The following C20orf203 variants were observed in gnomAD, a reference collection of about 807,000 sequenced individuals.
C20orf203 encodes the protein chromosome 20 open reading frame 203, also known as uncharacterized protein C20orf203.
A neutral mutation model predicts 15.9 loss-of-function variants in C20orf203; 16 were observed. The ratio of observed to expected loss-of-function variants is 1.01; its 90% CI spans 0.68 to 1.53. The LOEUF (loss-of-function observed/expected upper bound fraction) is 1.53. Ranked by LOEUF, C20orf203 falls within the 40% of genes most tolerant of loss-of-function variation. C20orf203 has a pLI of 0.00. For synonymous variants in C20orf203, 98 were observed against 97.2 expected, an observed-to-expected ratio of 1.01 and a Z score of -0.05; for missense variants, 263 against 247.5, an observed-to-expected ratio of 1.06 and a Z score of -0.42.
chr20:32,643,329 G>T (rs1214200696), intron 4 of C20orf203, among the ~76,000 whole-genome samples: 9 of 152,170 alleles, frequency 5.9e-5, no homozygotes, highest in African/African-American at 2.2e-4. Context: ...TTATAGGGTG[G>T]CTGTGAAGAT....
intron 1 of C20orf203, among the ~76,000 whole-genome samples, chr20:32,653,947 G>T (rs932167644): frequency 6.6e-6 from 1 of 152,062 alleles, no homozygotes; most frequent in African/African-American, 2.4e-5. Context: ...ACAAAAATTA[G>T]CCAGGCGTGG....
At position 32,632,309 on chromosome 20, in the gene C20orf203, C is replaced by G. The variant is rs1169780535; in HGVS notation, c.*3261G>C. On this transcript the variant is annotated 3_prime_UTR_variant, in exon 6 of 6. Coordinates refer to ENST00000608990, the MANE Select transcript of C20orf203 (RefSeq NM_182584.4). ...CTGAGCTAGACACATTTCCTACTCC[C>G]TAACTTTGGCCTTTAAATCTCGTTC... The G allele has an allele frequency of 1.3e-5, 2 of 152,252 alleles. No homozygotes were observed. Among genetic ancestry groups the G allele is most frequent in the East Asian group, 3.8e-4 (2 of 5,196 alleles). The allele number at this position is 152,252 out of a possible 1,614,324, so 9.4% of individuals were successfully genotyped here.
intron 1 of C20orf203, among the ~76,000 whole-genome samples, chr20:32,665,492 GA>G (rs1354951093): frequency 3.3e-5 from 5 of 152,242 alleles, no homozygotes; most frequent in Non-Finnish European, 7.3e-5. Flanking sequence ...GACCAGGCCG[GA>G]AACACTGTAG....
Position 32,632,934 on chromosome 20 carries a change from T to C in C20orf203, c.*2636A>G, listed in dbSNP as rs973538223. The C allele has an allele frequency of 6.6e-6, 1 of 152,244 alleles. No homozygotes were observed. The highest frequency in any genetic ancestry group is 2.4e-5 in the African/African-American group (1 of 41,418). 9.4% of individuals were successfully genotyped at this position (152,244 alleles called of 1,614,324 possible). On this transcript the variant is annotated 3_prime_UTR_variant, in exon 6 of 6. Transcript: ENST00000608990. ...GGAGGCCTCAGGAAACTTACAATCA[T>C]GGTGGAAGGCAGCTCTTCACAGGGC...
intron 1 of C20orf203, among the ~76,000 whole-genome samples, chr20:32,658,383 G>A (rs1182001518): frequency 6.6e-6 from 1 of 151,854 alleles, no homozygotes; most frequent in East Asian, 1.9e-4. Flanking sequence ...GCTCACTGCA[G>A]CCTCAAACTC....
rs1433456212 is a variant in C20orf203, at chr20:32,666,185, T to C, written c.-264+7447A>G. The stretch of plus-strand genomic sequence containing the variant: ...AAAAAAAAAAAAAAAAAAGATAAAG[T>C]TGGTTGAGTGTGGTGGCTCATGTGT... On this transcript the variant is annotated intron_variant, in intron 1 of 5. Coordinates refer to ENST00000608990, the MANE Select transcript of C20orf203 (RefSeq NM_182584.4). Among the ~76,000 whole-genome samples the C allele has an allele frequency of 1.0e-4, 15 of 145,038 alleles. No homozygotes were observed. The East Asian group carries it at 3.0e-3, about 29-fold the overall frequency.
rs183289359 is a variant in C20orf203, at chr20:32,660,659, G to A, written c.-263-8678C>T. Among the ~76,000 whole-genome samples the A allele has an allele frequency of 9.2e-5, 14 of 152,214 alleles. No homozygotes were observed. In the East Asian group the frequency reaches 1.5e-3, roughly 17 times the overall value. On this transcript the variant is annotated intron_variant, in intron 1 of 5. Transcript: ENST00000608990. The stretch of plus-strand genomic sequence containing the variant: ...ACAGGAAGCCTCATAGTTTCCTGGT[G>A]GCCAGTTTCCACCAAGAACGTGTGT...
chr20:32,654,080 G>GA (rs71338449), intron 1 of C20orf203, among the ~76,000 whole-genome samples: 5,008 of 132,698 alleles, frequency 0.038, 141 homozygotes, highest in South Asian at 0.095. Flanking sequence ...GTGATGGAGC[G>GA]AAAAAAAAAA....
chr20:32,665,729 G>A (rs1211822252), intron 1 of C20orf203, among the ~76,000 whole-genome samples: 3 of 152,186 alleles, frequency 2.0e-5, no homozygotes, highest in Admixed American at 1.3e-4. Context: ...ACTTTGGGAG[G>A]CCAAGGAGGG....
chr20:32,658,700 G>T (rs1257172605), intron 1 of C20orf203, among the ~76,000 whole-genome samples: 10 of 152,072 alleles, frequency 6.6e-5, no homozygotes, highest in Non-Finnish European at 1.2e-4. Flanking sequence ...TTGCTGTGTT[G>T]CAGGCATTCC....
At chr20:32,664,611 GC>G (rs1291669041) in intron 1 of C20orf203, among the ~76,000 whole-genome samples, 1 of 152,212 alleles carries the variant, frequency 6.6e-6, no homozygotes, top group Admixed American at 6.5e-5. Flanking sequence ...TCCTCTAGAT[GC>G]AGCCACAGGC....
At chr20:32,636,443 C>G (rs1365306868) in intron 5 of C20orf203, among the ~76,000 whole-genome samples, 3 of 152,196 alleles carry the variant, frequency 2.0e-5, no homozygotes, top group African/African-American at 7.2e-5. Context: ...CTGCTCCCCT[C>G]TGCCTTTGGC....
chr20:32,646,606 G>A (rs543214607), intron 4 of C20orf203, among the ~76,000 whole-genome samples: 42 of 152,290 alleles, frequency 2.8e-4, no homozygotes, highest in African/African-American at 9.9e-4. Context: ...GGGCTGTCTA[G>A]GCTGACTCCA....
At chr20:32,671,905 T>C (rs1263612291) in intron 1 of C20orf203, among the ~76,000 whole-genome samples, 3 of 132,604 alleles carry the variant, frequency 2.3e-5, no homozygotes, top group Non-Finnish European at 4.8e-5. Context: ...TGAGGGGGAG[T>C]GGGGAACAGA....
chr20:32,641,828 C>T (rs927625736), intron 4 of C20orf203, among the ~76,000 whole-genome samples: 1 of 151,520 alleles, frequency 6.6e-6, no homozygotes, highest in Non-Finnish European at 1.5e-5. Context: ...TGTTTTTGTT[C>T]TGTTTCTGTT....
intron 1 of C20orf203, among the ~76,000 whole-genome samples, chr20:32,653,716 T>C (rs1437014780): frequency 6.6e-6 from 1 of 152,126 alleles, no homozygotes; most frequent in African/African-American, 2.4e-5. Context: ...CTGTACTGGG[T>C]ACAATGGCAA....
chr20:32,655,351 C>T (rs61388387), intron 1 of C20orf203, among the ~76,000 whole-genome samples: 1,775 of 152,234 alleles, frequency 0.012, 31 homozygotes, highest in African/African-American at 0.036. Context: ...GCAGGAGGAT[C>T]GCTTGAGACT....
In C20orf203 at chr20:32,649,965, G is replaced by A. The variant is rs542428590; in HGVS notation, c.*467C>T. The stretch of plus-strand genomic sequence containing the variant: ...GGCCGGGTGCAGAGCATGGGCCCCT[G>A]TCCTGAGGTCCAGCATTCTCAGAGG... On this transcript the variant is annotated 3_prime_UTR_variant, in exon 4 of 6. Coordinates refer to ENST00000608990, the MANE Select transcript of C20orf203 (RefSeq NM_182584.4). 151 of 161,236 alleles carry A rather than the reference G, an allele frequency of 9.4e-4. No homozygotes were observed. The highest frequency in any genetic ancestry group is 1.8e-3 in the Non-Finnish European group (132 of 72,958). 10.0% of individuals were successfully genotyped at this position (161,236 alleles called of 1,614,324 possible). A position where few individuals can be genotyped will look rare whatever the true frequency, so the allele number is the denominator to read the frequency against.
At chr20:32,639,835 A>C (rs1045107885) in intron 5 of C20orf203, among the ~76,000 whole-genome samples, 1 of 152,122 alleles carries the variant, frequency 6.6e-6, no homozygotes, top group Non-Finnish European at 1.5e-5. Flanking sequence ...CATACAGAAC[A>C]CACAGAAATG....
Sources: allele counts gnomAD v4.1 joint callset (sites outside exome capture counted in the v4.1 genomes callset), GRCh38; gene constraint gnomAD v4.1.1; transcripts MANE v1.5; gene names NCBI Gene and HGNC (gene_info 2026-07-23, HGNC 2026-07-21).